The following ULK1 variants were observed in gnomAD, a reference collection of about 807,000 sequenced individuals.
The protein encoded by ULK1 is serine/threonine-protein kinase ULK1.
Under a neutral mutation model 117.5 loss-of-function variants are expected in ULK1, and 48 were observed. The ratio of observed to expected loss-of-function variants is 0.41; its 90% CI spans 0.32 to 0.52. The LOEUF is 0.52. Among genes scored for constraint, ULK1 ranks in the 20% least tolerant of loss-of-function variants. ULK1 has a pLI of 0.29. For synonymous variants in ULK1, 790 were observed against 637.8 expected (o/e 1.24, Z -3.60); for missense variants, 1,387 against 1,473.4 (o/e 0.94, Z 0.96).
chr12:131,911,121 C>T (rs1028487541), intron 12 of ULK1, among the ~76,000 whole-genome samples: 1 of 152,214 alleles, frequency 6.6e-6, no homozygotes, highest in Non-Finnish European at 1.5e-5. Context: ...CTCGTGTCTT[C>T]CATTGGACTC....
intron 1 of ULK1, 33 bp from the exon 2 acceptor site, chr12:131,895,567 GC>G: frequency 6.3e-7 from 1 of 1,596,300 alleles, no homozygotes; most frequent in Non-Finnish European, 8.6e-7. Flanking sequence ...GCGAGGGGCA[GC>G]CCTGGCCTTG....
In ULK1 at chr12:131,917,061, C is replaced by G. The variant is rs146595642; in HGVS notation, c.2181C>G (p.Ile727Met). ...TESLQEKPME[I>M]APSAGFGGSL... ...GCCTGCAGGAGAAGCCCATGGAGAT[C>G]GGTGTGTGGGTGGGTGGGGCTCGGA... The change falls in exon 21 of 28, where the codon ATC becomes ATG. Residue 727 changes from isoleucine to methionine, a missense_variant and splice_region_variant. Around this residue, in one of 4 missense-constraint regions of ULK1, gnomAD observed 900 missense variants for 858.9 expected, o/e 1.05. Transcript: ENST00000321867. The G allele has an allele frequency of 1.7e-6, 2 of 1,187,422 alleles. No individual in the cohort carries two copies. The highest frequency in any genetic ancestry group is 2.6e-5 in the Admixed American group (1 of 37,916). 73.6% of individuals were successfully genotyped at this position (1,187,422 alleles called of 1,614,324 possible).
rs575987155 is a variant in ULK1 at position 131,921,324 on chromosome 12, G to A, written c.3116G>A (p.Arg1039Gln). Residue 1039 changes from arginine (R) to glutamine (Q), a missense_variant, in exon 28 of 28, where the codon CGG becomes CAG. Arg to Gln is a conservative substitution (Grantham distance 43). Coordinates refer to ENST00000321867, the MANE Select transcript of ULK1 (RefSeq NM_003565.4). Reference sequence around the variant, plus strand: ...TCCACAGGCAAGCTGTGCATTGAGCGGAGACTCTCGGCGCTGCTGACTGGC... The same window carrying A: ...TCCACAGGCAAGCTGTGCATTGAGCAGAGACTCTCGGCGCTGCTGACTGGC... ...NVTKCKLCIERRLSALLTGIC... is the reference protein window; with the variant it reads ...NVTKCKLCIEQRLSALLTGIC... The A allele has an allele frequency of 4.4e-6, 7 of 1,606,604 alleles. No homozygotes were observed. The highest frequency in any genetic ancestry group is 4.0e-5 in the African/African-American group (3 of 75,038).
At position 131,922,369 on chromosome 12, in the gene ULK1, C is replaced by T. The variant is rs1352278647; in HGVS notation, c.*1008C>T. 4.1e-6 allele frequency: 1 copy of T among 245,320 alleles called. No homozygotes were observed. The highest frequency in any genetic ancestry group is 8.3e-6 in the Non-Finnish European group (1 of 120,184). 15.2% of individuals were successfully genotyped at this position (245,320 alleles called of 1,614,324 possible). ...GACAGGTGTGTGCCCAGCACCCTCC[C>T]TACCTGGGCCTGGAAGCAGATGAGG... is the stretch of plus-strand genomic sequence containing the variant. On this transcript the variant is annotated 3_prime_UTR_variant, in exon 28 of 28. Coordinates refer to ENST00000321867, the MANE Select transcript of ULK1 (RefSeq NM_003565.4).
In ULK1 at chr12:131,922,706, T is replaced by C. The variant is rs1384216181; in HGVS notation, c.*1345T>C. On this transcript the variant is annotated 3_prime_UTR_variant, in exon 28 of 28. Transcript: ENST00000321867. ...AGGCAGTGGTGGGGCCATGGACCCATGCGGGGGGTTCCAGGGTCACACGCC... is the reference window on the plus strand; with the variant it reads ...AGGCAGTGGTGGGGCCATGGACCCACGCGGGGGGTTCCAGGGTCACACGCC... The C allele has an allele frequency of 6.6e-6, 1 of 152,578 alleles. No homozygotes were observed. Among genetic ancestry groups the C allele is most frequent in the Non-Finnish European group, 1.5e-5 (1 of 68,154 alleles). 9.5% of individuals were successfully genotyped at this position (152,578 alleles called of 1,614,324 possible). A position where few individuals can be genotyped will look rare whatever the true frequency, so the allele number is the denominator to read the frequency against.
chr12:131,916,889 C>T, intron 20 of ULK1, 64 bp from the exon 21 acceptor site: 2 of 1,444,508 alleles, frequency 1.4e-6, no homozygotes, highest in Admixed American at 2.1e-5. Flanking sequence ...GCAGAGGGAC[C>T]TCTCGAGGTC....
At chr12:131,918,969 A>AGGGTGTGGGGTGCC (rs1890018998) in intron 23 of ULK1, among the ~76,000 whole-genome samples, 2 of 11,998 alleles carry the variant, frequency 1.7e-4, no homozygotes, top group Non-Finnish European at 3.5e-4. Flanking sequence ...TGTGGGGTGC[A>AGGGTGTGGGGTGCC]GGGTGTGTGG....
rs530095161 is a variant in ULK1, at chr12:131,902,025, T to A, written c.247-4867T>A. ...CCCCCTGCGGCTGGCTCCCGGATTG[T>A]CCAGACCCCCAGGCCCAGCAGGCGG... On this transcript the variant is annotated intron_variant, in intron 3 of 27. Coordinates refer to ENST00000321867, the MANE Select transcript of ULK1 (RefSeq NM_003565.4). This position sits in a 1 kb window ranked among gnomAD's most constrained non-coding sequence, Gnocchi z 6.3. Among the ~76,000 whole-genome samples the A allele has an allele frequency of 3.4e-4, 52 of 152,226 alleles. No individual in the cohort carries two copies. The highest frequency in any genetic ancestry group is 6.5e-4 in the Non-Finnish European group (44 of 67,976).
rs761933743 is a variant in ULK1 at position 131,921,774 on chromosome 12, G to A, written c.*413G>A. On this transcript the variant is annotated 3_prime_UTR_variant, in exon 28 of 28. Coordinates refer to ENST00000321867, the MANE Select transcript of ULK1 (RefSeq NM_003565.4). ...CCCAGGAAGAGCCTGCGGCCTCGGC[G>A]TCCCCCAGTCTCCAGGAGCCTCTCC... 1.9e-4 allele frequency: 98 copies of A among 515,960 alleles called. No individual in the cohort carries two copies. Among genetic ancestry groups the A allele is most frequent in the South Asian group, 1.2e-3 (76 of 65,048 alleles). 32.0% of individuals were successfully genotyped at this position (515,960 alleles called of 1,614,324 possible).
rs1889141333 is a variant in ULK1 at position 131,902,903 on chromosome 12, G to T, written c.247-3989G>T. 6.6e-6 allele frequency among the ~76,000 whole-genome samples: 1 copy of T among 152,156 alleles called. No individual in the cohort carries two copies. On this transcript the variant is annotated intron_variant, in intron 3 of 27. Transcript: ENST00000321867. This position sits in a 1 kb window ranked among gnomAD's most constrained non-coding sequence, Gnocchi z 6.3. The stretch of plus-strand genomic sequence containing the variant: ...CTGGGTGACTTGATTCTGGGAGCTT[G>T]CCCGGTCCCCACTGCCCAGGGTAGC...
At chr12:131,920,915 A>T in intron 26 of ULK1, 185 bp from the exon 27 acceptor site, 1 of 797,872 alleles carries the variant, frequency 1.3e-6, no homozygotes, top group Non-Finnish European at 1.9e-6. Flanking sequence ...GGTTCCAGGC[A>T]GTGTCTCCCC....
intron 11 of ULK1, 106 bp downstream of exon 11, chr12:131,910,410 G>C: frequency 6.6e-7 from 1 of 1,511,682 alleles, no homozygotes; most frequent in Non-Finnish European, 9.2e-7. Context: ...CAGGTCTTGA[G>C]CTGCGGCCAG....
intron 3 of ULK1, among the ~76,000 whole-genome samples, chr12:131,906,163 G>T (rs377645583): frequency 1.3e-5 from 2 of 152,008 alleles, no homozygotes; most frequent in Admixed American, 1.3e-4. Flanking sequence ...GCACAGTCTC[G>T]GCTCACTGCA....
In ULK1 at chr12:131,913,235, G is replaced by A. The variant is rs561387032; in HGVS notation, c.1134G>A (p.Pro378=). Reference sequence around the variant, plus strand: ...CTGAGGCGCCCAGTGCCAAACCCCCGCCAGACAGCCTGATGTGCAGTGGGT... The same window carrying A: ...CTGAGGCGCCCAGTGCCAAACCCCCACCAGACAGCCTGATGTGCAGTGGGT... The part of the protein sequence containing the change: ...LVAEAPSAKP[P]PDSLMCSGSS... Residue 378 remains proline, a synonymous_variant, in exon 14 of 28, where the codon CCG becomes CCA. Coordinates refer to ENST00000321867, the MANE Select transcript of ULK1 (RefSeq NM_003565.4). 2.9e-5 allele frequency: 46 copies of A among 1,592,426 alleles called. No homozygotes were observed. The highest frequency in any genetic ancestry group is 3.3e-4 in the Middle Eastern group (2 of 6,004).
chr12:131,899,035 C>T (rs1284557216), intron 3 of ULK1, among the ~76,000 whole-genome samples: 1 of 151,356 alleles, frequency 6.6e-6, no homozygotes, highest in African/African-American at 2.4e-5. Flanking sequence ...CCTGCCACCA[C>T]GCCCGGCTAA....
At chr12:131,913,070 G>T in intron 13 of ULK1, 128 bp from the exon 14 acceptor site, 1 of 836,736 alleles carries the variant, frequency 1.2e-6, no homozygotes, top group South Asian at 2.2e-5. Context: ...CCCCCGCAAG[G>T]CCGCTGTACG....
Position 131,913,187 on chromosome 12 carries a change from TC to T in ULK1, c.1097-6del. On this transcript the variant is annotated splice_polypyrimidine_tract_variant and intron_variant, in intron 13 of 27. Transcript: ENST00000321867. ...CAAGGACTCCAGGCCCAGCCTTGTC[TC>T]CCCCTGCAGGTGACCTGGTGGCTGA... is the stretch of plus-strand genomic sequence containing the variant. 1 of 1,566,272 alleles carries T rather than the reference TC, an allele frequency of 6.4e-7. No homozygotes were observed. The highest frequency in any genetic ancestry group is 8.6e-7 in the Non-Finnish European group (1 of 1,161,706).
intron 3 of ULK1, among the ~76,000 whole-genome samples, chr12:131,901,825 G>A (rs1024498593): frequency 2.0e-5 from 3 of 152,066 alleles, no homozygotes; most frequent in Non-Finnish European, 4.4e-5. Context: ...TAGGATGGCC[G>A]GGTCTCGGGG....
At position 131,921,390 on chromosome 12, in the gene ULK1, C is replaced by G. The variant is rs532885288; in HGVS notation, c.*29C>G. The G allele has an allele frequency of 4.4e-5, 71 of 1,600,302 alleles. No individual in the cohort carries two copies. In the Admixed American group the frequency reaches 5.3e-4, roughly 12 times the overall value. ...TTCTGGCCTGGCTGGGCCCCCCGTC[C>G]TGCCGAGCCCTGCAGAGTGGGCTCT... On this transcript the variant is annotated 3_prime_UTR_variant, in exon 28 of 28. Transcript: ENST00000321867.
Sources: allele counts gnomAD v4.1 joint callset (sites outside exome capture counted in the v4.1 genomes callset), GRCh38; gene constraint gnomAD v4.1.1; regional missense constraint gnomAD v4.1.1; non-coding constraint Gnocchi (gnomAD v3.1); transcripts MANE v1.5; gene names NCBI Gene and HGNC (gene_info 2026-07-23, HGNC 2026-07-21).